CCDC91: variants seen among roughly 807,000 people sequenced by gnomAD.
The protein encoded by CCDC91 is coiled-coil domain containing 91, also known as coiled-coil domain-containing protein 91.
CCDC91 carries 48 observed loss-of-function variants against 63.2 expected under a neutral mutation model. The observed-to-expected ratio is 0.76, with a 90% confidence interval of 0.60 to 0.97. The LOEUF (loss-of-function observed/expected upper bound fraction) is 0.97, where lower values mean the gene tolerates loss of function less well. Ranked by LOEUF, CCDC91 falls within the 50% of genes least tolerant of loss-of-function variation. The pLI is 0.00. For missense variants in CCDC91, 500 were observed against 494.6 expected (o/e 1.01, Z -0.10); for synonymous variants, 167 against 165.8 (o/e 1.01, Z -0.06).
intron 12 of CCDC91, 190 bp downstream of exon 12, chr12:28,484,355 T>A: frequency 3.2e-6 from 1 of 312,816 alleles, no homozygotes; most frequent in Non-Finnish European, 5.9e-6. Context: ...ATCCCATCTG[T>A]CAGCAAAAAC....
chr12:28,391,303 G>T lies in CCDC91; in HGVS notation c.655-1G>T. ...CAAATGACTTTTTTGCTTGTTTTCAGGCACTACTGCAGTCTTCAGTTAAGC... is the reference window on the plus strand; with the variant it reads ...CAAATGACTTTTTTGCTTGTTTTCATGCACTACTGCAGTCTTCAGTTAAGC... On this transcript the variant is annotated splice_acceptor_variant, in intron 7 of 12. Coordinates refer to ENST00000536442, the MANE Select transcript of CCDC91 (RefSeq NM_018318.5). LOFTEE classifies it high-confidence loss of function. 6.3e-7 allele frequency: 1 copy of T among 1,596,006 alleles called. No individual in the cohort carries two copies. The highest frequency in any genetic ancestry group is 8.6e-7 in the Non-Finnish European group (1 of 1,167,596).
chr12:28,359,629 A>G (rs1943745218), intron 6 of CCDC91, among the ~76,000 whole-genome samples: 1 of 152,172 alleles, frequency 6.6e-6, no homozygotes, highest in Non-Finnish European at 1.5e-5. Context: ...TGACTATGGT[A>G]GCCTATTTTA....
intron 8 of CCDC91, among the ~76,000 whole-genome samples, chr12:28,397,647 A>G (rs1946370772): frequency 6.6e-6 from 1 of 152,140 alleles, no homozygotes; most frequent in South Asian, 2.1e-4. Context: ...TTTAAATACT[A>G]TTTGTATCTT....
At chr12:28,410,800 G>A (rs1263291833) in intron 8 of CCDC91, among the ~76,000 whole-genome samples, 1 of 152,114 alleles carries the variant, frequency 6.6e-6, no homozygotes, top group Non-Finnish European at 1.5e-5. Flanking sequence ...GGGATTACAG[G>A]CATGAGCCAC....
intron 8 of CCDC91, among the ~76,000 whole-genome samples, chr12:28,440,253 C>T (rs1277670555): frequency 6.6e-6 from 1 of 152,134 alleles, no homozygotes. Context: ...AATAGTGAAG[C>T]TGTATGGCCT....
intron 6 of CCDC91, among the ~76,000 whole-genome samples, chr12:28,353,192 C>T (rs897918512): frequency 2.0e-5 from 3 of 152,326 alleles, no homozygotes; most frequent in African/African-American, 7.2e-5. Context: ...CCTAACCTTT[C>T]TCAGCCTTCA....
chr12:28,302,674 C>G, intron 3 of CCDC91: 1 of 980,278 alleles, frequency 1.0e-6, no homozygotes, highest in Non-Finnish European at 1.2e-6. Flanking sequence ...TTAGTGGTAT[C>G]ATTTCTGGCT....
intron 3 of CCDC91, among the ~76,000 whole-genome samples, chr12:28,290,583 G>A (rs1467958075): frequency 2.0e-5 from 3 of 152,150 alleles, no homozygotes; most frequent in African/African-American, 7.2e-5. Context: ...TTGTTTGTGT[G>A]GTTGCTTTAT....
At chr12:28,232,951 C>CA (rs1242222321) in intron 1 of CCDC91, among the ~76,000 whole-genome samples, 1 of 134,450 alleles carries the variant, frequency 7.4e-6, no homozygotes, top group Admixed American at 8.1e-5. Flanking sequence ...CCAGCCTGGG[C>CA]AACAGAGCAA....
At chr12:28,228,284 T>C (rs1378441617) in intron 1 of CCDC91, among the ~76,000 whole-genome samples, 1 of 152,154 alleles carries the variant, frequency 6.6e-6, no homozygotes, top group Admixed American at 6.6e-5. Context: ...TCATAGTATT[T>C]AACTTAGATA....
At chr12:28,271,882 A>G (rs1407456646) in intron 3 of CCDC91, among the ~76,000 whole-genome samples, 2 of 149,226 alleles carry the variant, frequency 1.3e-5, no homozygotes, top group African/African-American at 4.9e-5. Context: ...TACATACTCA[A>G]TACATAATAT....
At chr12:28,244,921 A>G (rs1945622490) in intron 1 of CCDC91, among the ~76,000 whole-genome samples, 1 of 152,082 alleles carries the variant, frequency 6.6e-6, no homozygotes, top group Non-Finnish European at 1.5e-5. Flanking sequence ...GTAGATTAAT[A>G]TAGAAGTCAA....
chr12:28,549,784 T>G lies in CCDC91; in HGVS notation c.*611T>G, dbSNP rs1403817256. The G allele has an allele frequency of 6.6e-6, 1 of 151,860 alleles. No individual in the cohort carries two copies. Among genetic ancestry groups the G allele is most frequent in the Non-Finnish European group, 1.5e-5 (1 of 68,014 alleles). The allele number at this position is 151,860 out of a possible 1,614,324, so 9.4% of individuals were successfully genotyped here. On this transcript the variant is annotated 3_prime_UTR_variant, in exon 13 of 13. Transcript: ENST00000536442. ...ATATTAATTCAACTTTGATCTGATA[T>G]ATCACTTAAACTAAAGGGGTGTGTG...
chr12:28,476,782 G>C (rs1951120359), intron 11 of CCDC91, among the ~76,000 whole-genome samples: 1 of 151,978 alleles, frequency 6.6e-6, no homozygotes, highest in South Asian at 2.1e-4. Context: ...AAATGATAAA[G>C]GGGATACCAC....
At position 28,518,141 on chromosome 12, in the gene CCDC91, T is replaced by C. The variant is rs535149288; in HGVS notation, c.1216-30922T>C. Reference sequence around the variant, plus strand: ...ATATGATGACTTATTTTTCTCTGGGTAGATACCCAGTAGTGGGATTGCTGG... The same window carrying C: ...ATATGATGACTTATTTTTCTCTGGGCAGATACCCAGTAGTGGGATTGCTGG... On this transcript the variant is annotated intron_variant, in intron 12 of 12. Transcript: ENST00000536442. Among the ~76,000 whole-genome samples, 3 of 152,110 alleles carry C rather than the reference T, an allele frequency of 2.0e-5. No individual in the cohort carries two copies. In the East Asian group the frequency reaches 5.8e-4, roughly 30 times the overall value.
At chr12:28,248,796 T>C (rs1460973910) in intron 1 of CCDC91, among the ~76,000 whole-genome samples, 1 of 152,176 alleles carries the variant, frequency 6.6e-6, no homozygotes, top group Non-Finnish European at 1.5e-5. Flanking sequence ...TTTTCATTTT[T>C]AAACTGTAGG....
chr12:28,309,605 A>G (rs1043444320), intron 6 of CCDC91, among the ~76,000 whole-genome samples: 2 of 152,066 alleles, frequency 1.3e-5, no homozygotes, highest in Non-Finnish European at 2.9e-5. Context: ...AATTTCCTAT[A>G]TAAATCCTGT....
rs1279776805 is a variant in CCDC91 at position 28,257,264 on chromosome 12, A to G, written c.30+19A>G. ...TTTTGAGGTATGCACTGTTATTTAC[A>G]TTAGTTTGTTTTAACTTTGTGGGAT... On this transcript the variant is annotated intron_variant, in intron 2 of 12. Coordinates refer to ENST00000536442, the MANE Select transcript of CCDC91 (RefSeq NM_018318.5). 8.2e-6 allele frequency: 13 copies of G among 1,577,682 alleles called. No homozygotes were observed. Among genetic ancestry groups the G allele is most frequent in the East Asian group, 2.2e-5 (1 of 44,496 alleles).
At chr12:28,255,144 A>C (rs749828246) in intron 1 of CCDC91, among the ~76,000 whole-genome samples, 2 of 152,188 alleles carry the variant, frequency 1.3e-5, no homozygotes, top group Non-Finnish European at 2.9e-5. Flanking sequence ...ATCAGAACTT[A>C]GGAAACTGAC....
Sources: allele counts gnomAD v4.1 joint callset (sites outside exome capture counted in the v4.1 genomes callset), GRCh38; gene constraint gnomAD v4.1.1; transcripts MANE v1.5; gene names NCBI Gene and HGNC (gene_info 2026-07-23, HGNC 2026-07-21).